Variants in BLVRA observed in about 807,000 individuals in gnomAD.
BLVRA encodes BVR A.
BLVRA carries 22 observed loss-of-function variants against 32.8 expected under a neutral mutation model. The observed-to-expected ratio is 0.67, with a 90% CI of 0.48 to 0.96. The LOEUF (loss-of-function observed/expected upper bound fraction) is 0.96. BLVRA is among the 40% of genes least tolerant of loss of function. The probability of loss-of-function intolerance (pLI) is 0.00; values close to 1 mark genes in which losing one functional copy is unlikely to be tolerated. For missense variants in BLVRA, 323 were observed against 358.1 expected, an observed-to-expected ratio of 0.90 and a Z score of 0.79; for synonymous variants, 119 against 141.3, an observed-to-expected ratio of 0.84 and a Z score of 1.12.
intron 1 of BLVRA, among the ~76,000 whole-genome samples, chr7:43,768,837 G>T (rs948288595): frequency 6.6e-6 from 1 of 151,996 alleles, no homozygotes; most frequent in Admixed American, 6.6e-5. Flanking sequence ...CTCTGCTCCC[G>T]TGTCTTCATG....
intron 1 of BLVRA, among the ~76,000 whole-genome samples, chr7:43,763,505 G>A (rs2095744608): frequency 6.6e-6 from 1 of 152,158 alleles, no homozygotes; most frequent in Non-Finnish European, 1.5e-5. Context: ...GTTGGGGCAC[G>A]GGGGGCGCTC....
intron 1 of BLVRA, among the ~76,000 whole-genome samples, chr7:43,759,086 G>A (rs1475566835): frequency 1.3e-5 from 2 of 152,242 alleles, no homozygotes; most frequent in Non-Finnish European, 2.9e-5. Flanking sequence ...CGCGTAGTCC[G>A]GCGGCTCCAG....
chr7:43,805,487 T>G (rs1302864114), intron 7 of BLVRA, among the ~76,000 whole-genome samples: 1 of 151,952 alleles, frequency 6.6e-6, no homozygotes, highest in Non-Finnish European at 1.5e-5. Context: ...TTCACCATGT[T>G]GGTCAGGATG....
At chr7:43,769,552 G>C (rs969236835) in intron 1 of BLVRA, among the ~76,000 whole-genome samples, 1 of 152,088 alleles carries the variant, frequency 6.6e-6, no homozygotes, top group African/African-American at 2.4e-5. Context: ...TCTCAAAGCA[G>C]GAAGGAGCAA....
At chr7:43,780,322 C>T (rs1435248884) in intron 2 of BLVRA, among the ~76,000 whole-genome samples, 3 of 152,222 alleles carry the variant, frequency 2.0e-5, no homozygotes, top group Non-Finnish European at 4.4e-5. Flanking sequence ...CACAAGCCAG[C>T]AGCCAGTGAC....
chr7:43,766,036 C>T (rs1365142611), intron 1 of BLVRA, among the ~76,000 whole-genome samples: 1 of 151,970 alleles, frequency 6.6e-6, no homozygotes, highest in Admixed American at 6.6e-5. Flanking sequence ...GCCTGTAATC[C>T]CAGCATTTTG....
upstream of BLVRA, among the ~76,000 whole-genome samples, chr7:43,758,405 C>T (rs2095738500): frequency 9.0e-6 from 1 of 110,898 alleles, no homozygotes; most frequent in South Asian, 2.6e-4. Flanking sequence ...CACTTCCATA[C>T]GCCCTCCGGT....
In BLVRA at chr7:43,782,395, A is replaced by G. The variant is rs560982431; in HGVS notation, c.13-5509A>G. ...TTTGTTGAATGCAGGAATGACTCCA[A>G]GCATTTAAAGCTGGGGGCTGCCAGG... On this transcript the variant is annotated intron_variant, in intron 2 of 7. Transcript: ENST00000265523. Among the ~76,000 whole-genome samples the G allele has an allele frequency of 3.3e-4, 51 of 152,354 alleles. No homozygotes were observed. The Middle Eastern group carries it at 0.01, about 30-fold the overall frequency.
chr7:43,766,681 G>A (rs533097080), intron 1 of BLVRA, among the ~76,000 whole-genome samples: 43 of 152,250 alleles, frequency 2.8e-4, no homozygotes, highest in African/African-American at 9.4e-4. Flanking sequence ...CTCTCCTGAC[G>A]GTGCATCTTA....
chr7:43,762,869 G>A (rs921987129), intron 1 of BLVRA, among the ~76,000 whole-genome samples: 3 of 151,810 alleles, frequency 2.0e-5, no homozygotes, highest in Non-Finnish European at 1.5e-5. Flanking sequence ...TGCCCGCCTC[G>A]GCCTCCCAAA....
chr7:43,781,580 A>G (rs2095769591), intron 2 of BLVRA, among the ~76,000 whole-genome samples: 1 of 152,206 alleles, frequency 6.6e-6, no homozygotes, highest in South Asian at 2.1e-4. Context: ...CAAGTGACCC[A>G]AATGCCTCTC....
At chr7:43,784,430 GT>G (rs2095774255) in intron 2 of BLVRA, among the ~76,000 whole-genome samples, 1 of 152,010 alleles carries the variant, frequency 6.6e-6, no homozygotes, top group African/African-American at 2.4e-5. Flanking sequence ...CTACAGAGTG[GT>G]CTAGCCATCT....
At chr7:43,793,479 C>T (rs2095788409) in intron 5 of BLVRA, among the ~76,000 whole-genome samples, 2 of 152,190 alleles carry the variant, frequency 1.3e-5, no homozygotes, top group South Asian at 4.1e-4. Context: ...TACCACCCTC[C>T]AGAAGGGAGA....
chr7:43,780,170 C>T (rs1334829120), intron 2 of BLVRA, among the ~76,000 whole-genome samples: 1 of 152,132 alleles, frequency 6.6e-6, no homozygotes, highest in East Asian at 1.9e-4. Context: ...CCATGCCTGT[C>T]ACTCATCTCA....
At chr7:43,786,600 G>A (rs541773161) in intron 2 of BLVRA, among the ~76,000 whole-genome samples, 1 of 152,282 alleles carries the variant, frequency 6.6e-6, no homozygotes, top group African/African-American at 2.4e-5. Context: ...AGTGTGCCCA[G>A]AACATTAACC....
intron 2 of BLVRA, among the ~76,000 whole-genome samples, chr7:43,785,617 G>C (rs2095776468): frequency 1.3e-5 from 2 of 152,244 alleles, no homozygotes; most frequent in African/African-American, 2.4e-5. Flanking sequence ...TTTAGCAGCA[G>C]TGGACAGTCA....
At chr7:43,797,145 T>C (rs2095793717) in intron 5 of BLVRA, among the ~76,000 whole-genome samples, 1 of 152,242 alleles carries the variant, frequency 6.6e-6, no homozygotes. Flanking sequence ...CCCTGTTACC[T>C]AGGCTTGAAC....
At chr7:43,780,993 A>G (rs1409249655) in intron 2 of BLVRA, among the ~76,000 whole-genome samples, 1 of 152,206 alleles carries the variant, frequency 6.6e-6, no homozygotes, top group South Asian at 2.1e-4. Context: ...CTAAAAATAC[A>G]AAAATTAGGC....
At chr7:43,761,564 C>A (rs1215878196) in intron 1 of BLVRA, among the ~76,000 whole-genome samples, 1 of 152,064 alleles carries the variant, frequency 6.6e-6, no homozygotes, top group Non-Finnish European at 1.5e-5. Flanking sequence ...ATGGCAACTT[C>A]ATTCATTCAT....
Sources: gnomAD v4.1 joint callset for allele counts (sites outside exome capture counted in the v4.1 genomes callset) on GRCh38, gnomAD v4.1.1 for gene constraint, MANE v1.5 for transcripts, NCBI Gene and HGNC (gene_info 2026-07-23, HGNC 2026-07-21) for gene names.